Variants in SLIT3 observed in about 807,000 individuals in gnomAD.
SLIT3 encodes the protein slit guidance ligand 3.
SLIT3 carries 68 observed loss-of-function variants against 184.0 expected under a neutral mutation model. The observed-to-expected ratio is 0.37, with a 90% CI of 0.30 to 0.45. The LOEUF (loss-of-function observed/expected upper bound fraction) is 0.45. Among genes scored for constraint, SLIT3 ranks in the 20% least tolerant of loss-of-function variants. SLIT3 has a pLI of 1.00. For missense variants in SLIT3, 1,707 were observed against 2,026.0 expected, an observed-to-expected ratio of 0.84 and a Z score of 3.02; for synonymous variants, 831 against 828.6, an observed-to-expected ratio of 1.00 and a Z score of -0.05.
chr5:168,702,171 T>G (rs1762237102), intron 26 of SLIT3, among the ~76,000 whole-genome samples: 1 of 152,338 alleles, frequency 6.6e-6, no homozygotes. Flanking sequence ...TGAAAGTTGG[T>G]GTGGAATGGA....
chr5:169,000,443 C>G (rs1755667373), intron 4 of SLIT3, among the ~76,000 whole-genome samples: 1 of 140,074 alleles, frequency 7.1e-6, no homozygotes, highest in African/African-American at 2.7e-5. Flanking sequence ...TTAACGTAAT[C>G]TTTTCTGAAA....
At chr5:168,724,954 T>C (rs1763060924) in intron 20 of SLIT3, among the ~76,000 whole-genome samples, 1 of 152,186 alleles carries the variant, frequency 6.6e-6, no homozygotes, top group African/African-American at 2.4e-5. Flanking sequence ...GCTCTGACTG[T>C]AGTCTTACCA....
intron 4 of SLIT3, among the ~76,000 whole-genome samples, chr5:169,057,850 C>T (rs573946382): frequency 6.6e-6 from 1 of 152,212 alleles, no homozygotes. Flanking sequence ...CCCTGAAATG[C>T]TGAGCATTCA....
intron 4 of SLIT3, among the ~76,000 whole-genome samples, chr5:169,069,564 T>C (rs1448326236): frequency 6.6e-6 from 1 of 152,102 alleles, no homozygotes; most frequent in African/African-American, 2.4e-5. Flanking sequence ...CCTAGAGGCA[T>C]GCCCAGGGGT....
chr5:168,759,237 C>T (rs949621838), intron 16 of SLIT3, among the ~76,000 whole-genome samples: 10 of 152,286 alleles, frequency 6.6e-5, no homozygotes, highest in Non-Finnish European at 1.2e-4. Flanking sequence ...CAAAGCATTG[C>T]TCTTAGGGAA....
intron 3 of SLIT3, among the ~76,000 whole-genome samples, chr5:169,212,429 G>A (rs952328316): frequency 2.0e-5 from 3 of 151,930 alleles, no homozygotes; most frequent in African/African-American, 4.8e-5. Flanking sequence ...TTTGAGAAGC[G>A]TCTGTTCATA....
intron 4 of SLIT3, among the ~76,000 whole-genome samples, chr5:168,947,479 A>T (rs758674411): frequency 2.6e-5 from 4 of 152,026 alleles, no homozygotes; most frequent in African/African-American, 9.7e-5. Flanking sequence ...GTTGCATGGG[A>T]CTGTGGCCCA....
Position 168,871,280 on chromosome 5 carries a change from C to A in SLIT3, c.485+11985G>T, listed in dbSNP as rs149822116. ...CAGGATAATCTATCCACTTGAAGAA[C>A]CTGAATTCTTGATTTGTAATCCTTT... On this transcript the variant is annotated intron_variant, in intron 5 of 35. Transcript: ENST00000519560. Among the ~76,000 whole-genome samples the A allele has an allele frequency of 3.3e-5, 5 of 152,202 alleles. No homozygotes were observed. The East Asian group carries it at 9.6e-4, about 29-fold the overall frequency.
At chr5:169,093,400 C>T (rs185675790) in intron 4 of SLIT3, among the ~76,000 whole-genome samples, 1 of 152,022 alleles carries the variant, frequency 6.6e-6, no homozygotes, top group Admixed American at 6.5e-5. Flanking sequence ...AGTAAATCTA[C>T]ACCCTGTATT....
intron 29 of SLIT3, among the ~76,000 whole-genome samples, chr5:168,688,457 T>TG (rs1761812281): frequency 6.6e-6 from 1 of 152,048 alleles, no homozygotes; most frequent in Non-Finnish European, 1.5e-5. Flanking sequence ...TGGATAGAAG[T>TG]GGGGTGGAAT....
chr5:168,861,058 C>T (rs1213663784), intron 5 of SLIT3, among the ~76,000 whole-genome samples: 1 of 152,088 alleles, frequency 6.6e-6, no homozygotes, highest in Non-Finnish European at 1.5e-5. Context: ...CTGGTCTGGC[C>T]AATTGGCCAC....
At chr5:168,843,110 C>G (rs1561962975) in intron 6 of SLIT3, among the ~76,000 whole-genome samples, 1 of 152,220 alleles carries the variant, frequency 6.6e-6, no homozygotes, top group African/African-American at 2.4e-5. Context: ...ATCTGACCTC[C>G]CTGGCTGTGG....
At chr5:168,930,191 C>T (rs2031466530) in intron 4 of SLIT3, among the ~76,000 whole-genome samples, 1 of 152,180 alleles carries the variant, frequency 6.6e-6, no homozygotes, top group Admixed American at 6.5e-5. Context: ...TCAAGTGATT[C>T]TTATCCCTCC....
intron 4 of SLIT3, among the ~76,000 whole-genome samples, chr5:169,036,732 C>A (rs1757267735): frequency 6.6e-6 from 1 of 152,098 alleles, no homozygotes; most frequent in Middle Eastern, 3.2e-3. Context: ...TTGACACATG[C>A]TCGATAAACC....
At chr5:168,966,743 A>G (rs569497308) in intron 4 of SLIT3, among the ~76,000 whole-genome samples, 1 of 152,318 alleles carries the variant, frequency 6.6e-6, no homozygotes, top group South Asian at 2.1e-4. Context: ...AGTCAGAGTT[A>G]GGTCATGGTG....
intron 5 of SLIT3, among the ~76,000 whole-genome samples, chr5:168,881,273 T>C (rs1759941104): frequency 1.3e-5 from 2 of 152,190 alleles, no homozygotes; most frequent in Non-Finnish European, 1.5e-5. Flanking sequence ...TTTCAAGTCC[T>C]GAGGCCTTTG....
chr5:169,111,730 C>CA (rs1476054960), intron 4 of SLIT3, among the ~76,000 whole-genome samples: 1 of 152,152 alleles, frequency 6.6e-6, no homozygotes, highest in Non-Finnish European at 1.5e-5. Flanking sequence ...TCAGCCTGGA[C>CA]AACAAGAGCA....
chr5:168,983,397 C>T (rs188873445), intron 4 of SLIT3, among the ~76,000 whole-genome samples: 101 of 152,350 alleles, frequency 6.6e-4, no homozygotes, highest in African/African-American at 2.4e-3. Context: ...CACCTAAGCC[C>T]TGCAATCCGT....
chr5:168,785,338 C>T (rs966803784), intron 12 of SLIT3, among the ~76,000 whole-genome samples: 2 of 152,202 alleles, frequency 1.3e-5, no homozygotes, highest in Non-Finnish European at 2.9e-5. Flanking sequence ...GAAATAAATG[C>T]AAACAAATAA....
Sources: allele counts gnomAD v4.1 joint callset (sites outside exome capture counted in the v4.1 genomes callset), GRCh38; gene constraint gnomAD v4.1.1; transcripts MANE v1.5; gene names NCBI Gene and HGNC (gene_info 2026-07-23, HGNC 2026-07-21).